RB1CC1: variants seen among roughly 807,000 people sequenced by gnomAD.
RB1CC1 encodes the protein RB1-inducible coiled-coil protein 1.
Under a neutral mutation model 177.5 loss-of-function variants are expected in RB1CC1, and 46 were observed. The ratio of observed to expected loss-of-function variants is 0.26; its 90% CI spans 0.20 to 0.33. The LOEUF (loss-of-function observed/expected upper bound fraction) is 0.33, where lower values mean the gene tolerates loss of function less well. RB1CC1 is among the 10% of genes least tolerant of loss of function. The pLI is 1.00. For missense variants in RB1CC1, 1,703 were observed against 1,816.3 expected (o/e 0.94, Z 1.13); for synonymous variants, 666 against 613.6 (o/e 1.09, Z -1.26).
chr8:52,695,365 CAAAGAAAGGTCTGGCCTTTGCCCTT>C (rs2150658850), intron 1 of RB1CC1, among the ~76,000 whole-genome samples: 1 of 152,296 alleles, frequency 6.6e-6, no homozygotes, highest in East Asian at 1.9e-4. Context: ...TAACATTAAC[CAAAGAAAGGTCTGGCCTTTGCCCTT>C]CGCTACTGGG....
intron 3 of RB1CC1, 119 bp from the exon 4 acceptor site, chr8:52,684,132 C>G (rs1854028687): frequency 1.7e-6 from 2 of 1,143,470 alleles, no homozygotes; most frequent in Non-Finnish European, 2.3e-6. Flanking sequence ...AAACCTTCCC[C>G]AAAAACAGTA....
chr8:52,688,549 CTGT>C (rs1337241552), intron 1 of RB1CC1, among the ~76,000 whole-genome samples: 1 of 152,146 alleles, frequency 6.6e-6, no homozygotes, highest in Non-Finnish European at 1.5e-5. Flanking sequence ...ACCCTGTTTT[CTGT>C]TGTTTAAGAT....
intron 7 of RB1CC1, among the ~76,000 whole-genome samples, chr8:52,672,570 A>T (rs190013357): frequency 7.7e-4 from 117 of 152,056 alleles, no homozygotes; most frequent in African/African-American, 2.7e-3. Context: ...TAGGAAGAAG[A>T]CCCCGTCTGT....
intron 15 of RB1CC1, among the ~76,000 whole-genome samples, chr8:52,650,204 G>C (rs560031722): frequency 1.3e-5 from 2 of 152,288 alleles, no homozygotes; most frequent in East Asian, 3.9e-4. Flanking sequence ...TTCTTCAAAG[G>C]TTTCCTCTGC....
intron 1 of RB1CC1, among the ~76,000 whole-genome samples, chr8:52,713,641 G>GCAGCGATGA (rs1857243517): frequency 6.6e-6 from 1 of 152,174 alleles, no homozygotes. Flanking sequence ...CAGAATTAAG[G>GCAGCGATGA]GCTGATCCCT....
At chr8:52,651,652 A>G (rs983244068) in intron 15 of RB1CC1, among the ~76,000 whole-genome samples, 13 of 152,350 alleles carry the variant, frequency 8.5e-5, no homozygotes, top group Middle Eastern at 3.4e-3. Flanking sequence ...CACAAATTAA[A>G]GCCATTAGCA....
chr8:52,705,829 C>T (rs572829882), intron 1 of RB1CC1, among the ~76,000 whole-genome samples: 11 of 152,116 alleles, frequency 7.2e-5, no homozygotes, highest in Admixed American at 3.9e-4. Context: ...CAGCAAGATC[C>T]TCTCTCCAAA....
At position 52,623,278 on chromosome 8, in the gene RB1CC1, T is replaced by G. The variant is rs1848171748; in HGVS notation, c.*504A>C. The G allele has an allele frequency of 6.1e-6, 1 of 164,040 alleles. No individual in the cohort carries two copies. Among genetic ancestry groups the G allele is most frequent in the Non-Finnish European group, 1.3e-5 (1 of 75,094 alleles). 10.2% of individuals were successfully genotyped at this position (164,040 alleles called of 1,614,324 possible). Reference sequence around the variant, plus strand: ...TGCTTTAGTATCTACTGAGGCAAACTCAAAATGATTATCAGCATGCAATAA... The same window carrying G: ...TGCTTTAGTATCTACTGAGGCAAACGCAAAATGATTATCAGCATGCAATAA... On this transcript the variant is annotated 3_prime_UTR_variant, in exon 24 of 24. Coordinates refer to ENST00000025008, the MANE Select transcript of RB1CC1 (RefSeq NM_014781.5).
At position 52,622,726 on chromosome 8, in the gene RB1CC1, A is replaced by T. The variant is rs1352271210; in HGVS notation, c.*1056T>A. 1 of 152,066 alleles carries T rather than the reference A, an allele frequency of 6.6e-6. No homozygotes were observed. Among genetic ancestry groups the T allele is most frequent in the Admixed American group, 6.6e-5 (1 of 15,202 alleles). The allele number at this position is 152,066 out of a possible 1,614,324, so 9.4% of individuals were successfully genotyped here. A position where few individuals can be genotyped will look rare whatever the true frequency, so the allele number is the denominator to read the frequency against. On this transcript the variant is annotated 3_prime_UTR_variant, in exon 24 of 24. Coordinates refer to ENST00000025008, the MANE Select transcript of RB1CC1 (RefSeq NM_014781.5). ...CTAAAGATCTAGTTTACACAATTCT[A>T]TTCTACATAACACTGTTTACCCTGT...
At position 52,668,047 on chromosome 8, in the gene RB1CC1, C is replaced by A. The variant is rs767621856; in HGVS notation, c.1147G>T (p.Val383Leu). The A allele has an allele frequency of 5.5e-5, 89 of 1,613,704 alleles. No homozygotes were observed. The highest frequency in any genetic ancestry group is 7.0e-5 in the Non-Finnish European group (83 of 1,179,838). ...TGAGCAAGCTCTTTCTGTTCATTCA[C>A]CAGTCGGCCACAGCTAGCAATCATC... is the stretch of plus-strand genomic sequence containing the variant. ...DQMIASCGRL[V>L]NEQKELAQGF... Residue 383 changes from valine (V) to leucine (L), a missense_variant, in exon 8 of 24, where the codon GTG becomes TTG. Physicochemically the swap from Val to Leu is conservative, Grantham distance 32 (BLOSUM62 1). Around this residue, in one of 6 missense-constraint regions of RB1CC1, gnomAD observed 315 missense variants for 304.9 expected, o/e 1.03. Coordinates refer to ENST00000025008, the MANE Select transcript of RB1CC1 (RefSeq NM_014781.5).
At chr8:52,686,304 G>A (rs1160339023) in intron 2 of RB1CC1, 1 of 152,436 alleles carries the variant, frequency 6.6e-6, no homozygotes, top group Non-Finnish European at 1.5e-5. Flanking sequence ...AGAACTTTGG[G>A]AGGCCAAGGC....
rs1854015678 is a variant in RB1CC1 at position 52,684,017 on chromosome 8, C to CA, written c.72-5dup. On this transcript the variant is annotated splice_region_variant and splice_polypyrimidine_tract_variant and intron_variant, in intron 3 of 23. Transcript: ENST00000025008. The stretch of plus-strand genomic sequence containing the variant: ...GGCATGCTTAAGGTCTGCCACACTT[C>CA]AAAAAATGAAATAAAATAAATCAGT... 6 of 1,607,106 alleles carry CA rather than the reference C, an allele frequency of 3.7e-6. No homozygotes were observed. Among genetic ancestry groups the CA allele is most frequent in the Non-Finnish European group, 5.1e-6 (6 of 1,178,068 alleles).
rs2150361098 is a variant in RB1CC1, at chr8:52,623,315, A to C, written c.*467T>G. ...TCAGCATGCAATAACACTCCTCTTT[A>C]TTTTAAATAGTTCTGAATAATTTAT... On this transcript the variant is annotated 3_prime_UTR_variant, in exon 24 of 24. Coordinates refer to ENST00000025008, the MANE Select transcript of RB1CC1 (RefSeq NM_014781.5). 5.3e-6 allele frequency: 1 copy of C among 189,202 alleles called. No individual in the cohort carries two copies. Among genetic ancestry groups the C allele is most frequent in the African/African-American group, 2.4e-5 (1 of 41,840 alleles). 11.7% of individuals were successfully genotyped at this position (189,202 alleles called of 1,614,324 possible).
intron 20 of RB1CC1, among the ~76,000 whole-genome samples, chr8:52,632,372 G>A (rs1480754064): frequency 6.6e-6 from 1 of 152,150 alleles, no homozygotes; most frequent in Non-Finnish European, 1.5e-5. Context: ...ACAATGCAGG[G>A]TTTTAAAAAG....
At position 52,685,640 on chromosome 8, in the gene RB1CC1, G is replaced by A. The variant is rs1854207432; in HGVS notation, c.-51-120C>T. ...TAACAAAAATATCAAAATGGGCTTT[G>A]ATGTCTAGGATGGCTAACTGGATAG... On this transcript the variant is annotated intron_variant, in intron 2 of 23. Coordinates refer to ENST00000025008, the MANE Select transcript of RB1CC1 (RefSeq NM_014781.5). 1.2e-5 allele frequency: 5 copies of A among 419,982 alleles called. No homozygotes were observed. The South Asian group carries it at 3.0e-4, about 25-fold the overall frequency. The allele number at this position is 419,982 out of a possible 1,614,324, so 26.0% of individuals were successfully genotyped here.
At chr8:52,695,022 T>C (rs530951931) in intron 1 of RB1CC1, among the ~76,000 whole-genome samples, 3 of 152,210 alleles carry the variant, frequency 2.0e-5, no homozygotes, top group Admixed American at 6.5e-5. Context: ...TCACAATAGA[T>C]AAATAGGCAA....
chr8:52,624,273 A>G (rs1224537288), intron 23 of RB1CC1, among the ~76,000 whole-genome samples: 1 of 151,906 alleles, frequency 6.6e-6, no homozygotes, highest in East Asian at 1.9e-4. Flanking sequence ...GACTTCACTG[A>G]CTCTAGAGCA....
chr8:52,689,775 G>C (rs1224290176), intron 1 of RB1CC1, among the ~76,000 whole-genome samples: 1 of 151,962 alleles, frequency 6.6e-6, no homozygotes, highest in African/African-American at 2.4e-5. Context: ...GATTCTATTT[G>C]CCCTGCCTGC....
chr8:52,696,060 T>C (rs116711053), intron 1 of RB1CC1, among the ~76,000 whole-genome samples: 325 of 152,330 alleles, frequency 2.1e-3, no homozygotes, highest in African/African-American at 6.8e-3. Context: ...TTTTTTGTTT[T>C]TCAGACGGAG....
Sources: gnomAD v4.1 joint callset for allele counts (sites outside exome capture counted in the v4.1 genomes callset) on GRCh38, gnomAD v4.1.1 for gene constraint, gnomAD v4.1.1 regional missense constraint, MANE v1.5 for transcripts, NCBI Gene and HGNC (gene_info 2026-07-23, HGNC 2026-07-21) for gene names.